Variants in ARL15 observed in about 807,000 individuals in gnomAD.
ARL15 encodes the protein ADP-ribosylation factor-like protein 15.
ARL15 carries 19 observed loss-of-function variants against 25.2 expected under a neutral mutation model. The observed-to-expected ratio is 0.75, with a 90% CI of 0.53 to 1.10. ARL15 has a LOEUF of 1.10. Among genes scored for constraint, ARL15 ranks in the 50% least tolerant of loss-of-function variants. ARL15 has a pLI of 0.00. For synonymous variants in ARL15, 94 were observed against 86.8 expected (o/e 1.08, Z -0.46); for missense variants, 220 against 246.0 (o/e 0.89, Z 0.71).
chr5:54,067,622 G>C (rs1751282038), intron 4 of ARL15, among the ~76,000 whole-genome samples: 1 of 152,174 alleles, frequency 6.6e-6, no homozygotes, highest in South Asian at 2.1e-4. Context: ...CATTTGACCA[G>C]AGAAAACGCA....
At chr5:54,236,336 G>A (rs369743921) in intron 1 of ARL15, among the ~76,000 whole-genome samples, 2 of 151,570 alleles carry the variant, frequency 1.3e-5, no homozygotes, top group East Asian at 3.9e-4. Context: ...GTGGGTACAG[G>A]TACTTTAAGT....
chr5:53,922,452 C>T (rs1021474988), intron 4 of ARL15, among the ~76,000 whole-genome samples: 1 of 152,110 alleles, frequency 6.6e-6, no homozygotes, highest in Non-Finnish European at 1.5e-5. Context: ...TCTTGAATGT[C>T]CCCTAACTTT....
At chr5:54,238,034 A>T (rs938861796) in intron 1 of ARL15, among the ~76,000 whole-genome samples, 3 of 152,216 alleles carry the variant, frequency 2.0e-5, no homozygotes, top group South Asian at 2.1e-4. Flanking sequence ...TTAAATCTTT[A>T]TATTTTTAGG....
chr5:53,914,116 G>A (rs1745550589), intron 4 of ARL15, among the ~76,000 whole-genome samples: 1 of 147,620 alleles, frequency 6.8e-6, no homozygotes, highest in Non-Finnish European at 1.5e-5. Context: ...AAAGGGAAGT[G>A]AAATTAGCAA....
chr5:54,211,016 T>G (rs1351184062), intron 1 of ARL15, among the ~76,000 whole-genome samples: 1 of 152,218 alleles, frequency 6.6e-6, no homozygotes, highest in Non-Finnish European at 1.5e-5. Flanking sequence ...TTTTTGCTTA[T>G]TTTTGCAGTC....
Position 54,166,959 on chromosome 5 carries a change from A to G in ARL15, c.193+4825T>C, listed in dbSNP as rs572573714. ...ATACAGCTTTGTGCTGAGATGCATTACATTACCAGACAACCATCTGAGGTT... is the reference window on the plus strand; with the variant it reads ...ATACAGCTTTGTGCTGAGATGCATTGCATTACCAGACAACCATCTGAGGTT... On this transcript the variant is annotated intron_variant, in intron 2 of 4. Coordinates refer to ENST00000504924, the MANE Select transcript of ARL15 (RefSeq NM_019087.3). 3.3e-3 allele frequency among the ~76,000 whole-genome samples: 154 copies of G among 47,166 alleles called. 1 individual carries two copies. The highest frequency in any genetic ancestry group is 5.0e-3 in the Non-Finnish European group (120 of 24,240). 30.9% of individuals were successfully genotyped at this position (47,166 alleles called of 152,430 possible).
chr5:54,250,757 A>G, intron 1 of ARL15, among the ~76,000 whole-genome samples: 1 of 152,152 alleles, frequency 6.6e-6, no homozygotes, highest in African/African-American at 2.4e-5. Flanking sequence ...TGGAGGGAGA[A>G]CCATGTTGGC....
chr5:54,057,333 AAT>A (rs1750910009), intron 4 of ARL15, among the ~76,000 whole-genome samples: 1 of 152,242 alleles, frequency 6.6e-6, no homozygotes, highest in Non-Finnish European at 1.5e-5. Flanking sequence ...AGCCTCTAAA[AAT>A]AGTCCATCAA....
At position 54,075,073 on chromosome 5, in the gene ARL15, G is replaced by GA. The variant is rs3836818; in HGVS notation, c.462+38128dup. On this transcript the variant is annotated intron_variant, in intron 4 of 4. Transcript: ENST00000504924. ...GAATGATTCTTAGTACAGAATACAGGAAAAAAAAAAAAAAAAAAAGTCCTG... is the reference window on the plus strand; with the variant it reads ...GAATGATTCTTAGTACAGAATACAGGAAAAAAAAAAAAAAAAAAAAGTCCTG... Among the ~76,000 whole-genome samples, 277 of 63,914 alleles carry GA rather than the reference G, an allele frequency of 4.3e-3. 9 individuals are homozygous for GA. Among genetic ancestry groups the GA allele is most frequent in the East Asian group, 0.022 (58 of 2,652 alleles). The allele number at this position is 63,914 out of a possible 152,430, so 41.9% of individuals were successfully genotyped here.
chr5:54,210,928 A>G (rs866062009), intron 1 of ARL15, among the ~76,000 whole-genome samples: 22 of 152,246 alleles, frequency 1.4e-4, no homozygotes, highest in African/African-American at 5.3e-4. Flanking sequence ...AACACATTAC[A>G]GAGTCTGCAA....
rs556426427 is a variant in ARL15, at chr5:54,008,517, C to CT, written c.462+104684dup. ...TTTCTGGCATTACACGAAGCTAGAA[C>CT]TTGCAGGGGTTGGAGAATGTGGCCT... On this transcript the variant is annotated intron_variant, in intron 4 of 4. Coordinates refer to ENST00000504924, the MANE Select transcript of ARL15 (RefSeq NM_019087.3). Among the ~76,000 whole-genome samples the CT allele has an allele frequency of 5.4e-3, 819 of 152,296 alleles. 2 individuals are homozygous for CT. The highest frequency in any genetic ancestry group is 9.0e-3 in the Non-Finnish European group (615 of 68,012).
At chr5:54,298,671 C>T (rs1758531959) in intron 1 of ARL15, among the ~76,000 whole-genome samples, 1 of 152,084 alleles carries the variant, frequency 6.6e-6, no homozygotes, top group Admixed American at 6.5e-5. Flanking sequence ...CGCAACAAGG[C>T]CCATGACAGC....
At chr5:54,132,892 G>A (rs572420426) in intron 3 of ARL15, among the ~76,000 whole-genome samples, 1 of 152,196 alleles carries the variant, frequency 6.6e-6, no homozygotes, top group East Asian at 1.9e-4. Flanking sequence ...AGGTCTTTAT[G>A]ACCTGTATCT....
chr5:54,116,355 G>A (rs1488809520), intron 3 of ARL15, among the ~76,000 whole-genome samples: 1 of 152,112 alleles, frequency 6.6e-6, no homozygotes, highest in East Asian at 1.9e-4. Context: ...TCTGCTACAG[G>A]CTACATCCAG....
At chr5:53,980,963 A>T (rs1003812036) in intron 4 of ARL15, among the ~76,000 whole-genome samples, 50 of 152,138 alleles carry the variant, frequency 3.3e-4, no homozygotes, top group African/African-American at 1.2e-3. Flanking sequence ...CCTGGGTGAC[A>T]GAGTGAGACC....
At chr5:53,954,570 T>C (rs1747082789) in intron 4 of ARL15, among the ~76,000 whole-genome samples, 1 of 152,184 alleles carries the variant, frequency 6.6e-6, no homozygotes, top group African/African-American at 2.4e-5. Context: ...TCACACCAAA[T>C]GCTTGATAAC....
chr5:54,136,566 G>A (rs1407155030), intron 3 of ARL15, among the ~76,000 whole-genome samples: 1 of 151,714 alleles, frequency 6.6e-6, no homozygotes, highest in Non-Finnish European at 1.5e-5. Context: ...TTAACAGATT[G>A]TGAGGGAAAA....
intron 4 of ARL15, among the ~76,000 whole-genome samples, chr5:54,110,485 T>A (rs922749539): frequency 1.2e-4 from 18 of 152,022 alleles, no homozygotes; most frequent in Admixed American, 3.3e-4. Context: ...TCTAACTGAA[T>A]CAAAGTTTAG....
intron 4 of ARL15, among the ~76,000 whole-genome samples, chr5:53,930,119 A>G (rs1344386124): frequency 1.3e-5 from 2 of 152,214 alleles, no homozygotes; most frequent in African/African-American, 4.8e-5. Flanking sequence ...TTTTTATACA[A>G]TAATAAAAAA....
Sources: gnomAD v4.1 joint callset for allele counts (sites outside exome capture counted in the v4.1 genomes callset) on GRCh38, gnomAD v4.1.1 for gene constraint, MANE v1.5 for transcripts, NCBI Gene and HGNC (gene_info 2026-07-23, HGNC 2026-07-21) for gene names.